Variants in CCDC141 observed in about 807,000 individuals in gnomAD.
CCDC141 encodes coiled-coil domain containing 141.
Under a neutral mutation model 181.0 loss-of-function variants are expected in CCDC141, and 168 were observed. The observed-to-expected ratio is 0.93, with a 90% CI of 0.82 to 1.05. The LOEUF is 1.05. Ranked by LOEUF, CCDC141 falls within the 50% of genes least tolerant of loss-of-function variation. The pLI, the probability that CCDC141 is intolerant of heterozygous loss-of-function variation, is 0.00. For synonymous variants in CCDC141, 666 were observed against 642.3 expected (o/e 1.04, Z -0.56); for missense variants, 1,902 against 1,788.5 (o/e 1.06, Z -1.14).
intron 21 of CCDC141, among the ~76,000 whole-genome samples, chr2:178,849,110 A>G (rs1685060213): frequency 6.6e-6 from 1 of 152,256 alleles, no homozygotes; most frequent in Non-Finnish European, 1.5e-5. Context: ...CTATTTGAAT[A>G]GAAGAGGCAC....
chr2:178,942,391 A>T (rs1018690024), intron 6 of CCDC141, among the ~76,000 whole-genome samples: 1 of 152,220 alleles, frequency 6.6e-6, no homozygotes, highest in Non-Finnish European at 1.5e-5. Flanking sequence ...AGTGAAAAAC[A>T]CCAATCTGAA....
intron 2 of CCDC141, among the ~76,000 whole-genome samples, chr2:178,984,244 A>C (rs931047538): frequency 3.4e-5 from 5 of 148,698 alleles, no homozygotes; most frequent in South Asian, 2.2e-4. Context: ...GAAATAATAT[A>C]CTTTACAGAC....
intron 6 of CCDC141, among the ~76,000 whole-genome samples, chr2:178,933,501 A>G (rs1689174089): frequency 6.6e-6 from 1 of 152,178 alleles, no homozygotes; most frequent in Admixed American, 6.5e-5. Flanking sequence ...TATGGGAGTC[A>G]CACCTTGAAT....
rs542757383 is a variant in CCDC141 at position 178,877,693 on chromosome 2, G to A, written c.1899+271C>T. ...CAGAACTTTTGGGTGGACTTCTGAG[G>A]ACTCTATTTAATAATAACAATGTTG... On this transcript the variant is annotated intron_variant, in intron 12 of 23. Coordinates refer to ENST00000443758, the MANE Select transcript of CCDC141 (RefSeq NM_173648.4). 2.9e-5 allele frequency: 14 copies of A among 486,416 alleles called. No individual in the cohort carries two copies. The South Asian group carries it at 4.5e-4, about 16-fold the overall frequency. The allele number at this position is 486,416 out of a possible 1,614,324, so 30.1% of individuals were successfully genotyped here. A position where few individuals can be genotyped will look rare whatever the true frequency, so the allele number is the denominator to read the frequency against.
At position 179,047,322 on chromosome 2, in the gene CCDC141, GT is replaced by G. The variant is rs1416784611; in HGVS notation, c.186del (p.Lys62AsnfsTer68). The stretch of plus-strand genomic sequence containing the variant: ...AAAAGAAGTTCATGATCATGAAGAA[GT>G]TTTTTGGTTTCATCTTGACTGCTGC... Reference protein sequence around the residue: ...EIGSSQDETKKLLHDHELLLA... With the variant: ...EIGSSQDETKXLLHDHELLLA... On this transcript the variant is annotated frameshift_variant, in exon 2 of 24. Transcript: ENST00000443758. LOFTEE classifies it high-confidence loss of function. 2.6e-6 allele frequency: 4 copies of G among 1,543,662 alleles called. No individual in the cohort carries two copies. The highest frequency in any genetic ancestry group is 3.5e-6 in the Non-Finnish European group (4 of 1,145,254).
At chr2:179,020,287 G>A (rs1054086367) in intron 2 of CCDC141, among the ~76,000 whole-genome samples, 1 of 151,984 alleles carries the variant, frequency 6.6e-6, no homozygotes, top group Admixed American at 6.6e-5. Context: ...CAGTTATGTA[G>A]TCCCCACACT....
At chr2:178,851,487 C>G (rs1685164429) in intron 20 of CCDC141, among the ~76,000 whole-genome samples, 1 of 152,006 alleles carries the variant, frequency 6.6e-6, no homozygotes, top group Non-Finnish European at 1.5e-5. Context: ...TGACTGGTGC[C>G]CTTACAAGAA....
chr2:178,958,670 T>A (rs1201733890), intron 5 of CCDC141, among the ~76,000 whole-genome samples: 1 of 150,890 alleles, frequency 6.6e-6, no homozygotes, highest in Non-Finnish European at 1.5e-5. Context: ...TGGGTTAGAA[T>A]GTTCACTTTG....
At chr2:178,873,218 T>G (rs140782062) in intron 12 of CCDC141, 266 of 152,280 alleles carry the variant, frequency 1.7e-3, no homozygotes, top group African/African-American at 6.3e-3. Context: ...GCCATTTTAT[T>G]TTAAAATTAT....
At chr2:178,961,903 A>C (rs558780728) in intron 4 of CCDC141, among the ~76,000 whole-genome samples, 2 of 152,346 alleles carry the variant, frequency 1.3e-5, no homozygotes, top group African/African-American at 2.4e-5. Context: ...TGTGGTGGCC[A>C]GGTGCCCAGA....
At chr2:178,881,913 TCTCACACACACACACACACA>T (rs1369467864) in intron 11 of CCDC141, among the ~76,000 whole-genome samples, 1 of 110,944 alleles carries the variant, frequency 9.0e-6, no homozygotes, top group Non-Finnish European at 1.8e-5. Context: ...TCTCTCTCTC[TCTCACACACACACACACACA>T]CACACACACA....
At chr2:178,985,736 C>T (rs906408614) in intron 2 of CCDC141, among the ~76,000 whole-genome samples, 6 of 152,080 alleles carry the variant, frequency 3.9e-5, no homozygotes, top group Admixed American at 3.9e-4. Context: ...ATAAATTCCT[C>T]GACACATACA....
intron 22 of CCDC141, among the ~76,000 whole-genome samples, chr2:178,842,456 T>C (rs1166459605): frequency 6.6e-6 from 1 of 152,264 alleles, no homozygotes; most frequent in East Asian, 1.9e-4. Flanking sequence ...CTGTCAGGAC[T>C]TCTGAACTTT....
chr2:179,010,878 G>T (rs1284138268), intron 2 of CCDC141, among the ~76,000 whole-genome samples: 1 of 152,080 alleles, frequency 6.6e-6, no homozygotes, highest in Non-Finnish European at 1.5e-5. Context: ...TACAGAACCG[G>T]CTGGGCATGG....
intron 6 of CCDC141, among the ~76,000 whole-genome samples, chr2:178,940,919 T>C (rs1317046264): frequency 6.6e-6 from 1 of 152,202 alleles, no homozygotes; most frequent in Non-Finnish European, 1.5e-5. Flanking sequence ...GTACATCCTA[T>C]CTCCTTTACA....
In CCDC141 at chr2:178,886,782, A is replaced by T. The variant is rs1171353301; in HGVS notation, c.1497T>A (p.Asn499Lys). The T allele has an allele frequency of 6.8e-7, 1 of 1,465,494 alleles. No homozygotes were observed. The allele number at this position is 1,465,494 out of a possible 1,614,324, so 90.8% of individuals were successfully genotyped here. A position where few individuals can be genotyped will look rare whatever the true frequency, so the allele number is the denominator to read the frequency against. Residue 499 changes from asparagine (N) to lysine (K), a missense_variant, in exon 10 of 24, where the codon AAT becomes AAA. Physicochemically the swap from Asn to Lys is moderately conservative, Grantham distance 94. Coordinates refer to ENST00000443758, the MANE Select transcript of CCDC141 (RefSeq NM_173648.4). ...CTTGGATATCTAGTTCCAGATATTTATTCAAAATCTTCTCTGATTCAGAAC... is the reference window on the plus strand; with the variant it reads ...CTTGGATATCTAGTTCCAGATATTTTTTCAAAATCTTCTCTGATTCAGAAC... Reference protein sequence around the residue: ...STRSESEKILNKYLELDIQAK... With the variant: ...STRSESEKILKKYLELDIQAK...
At chr2:178,823,102 T>G in the CCDC141 span, among the ~76,000 whole-genome samples, 1 of 152,196 alleles carries the variant, frequency 6.6e-6, no homozygotes, top group African/African-American at 2.4e-5. Context: ...TATCCTTCCA[T>G]AAAACAAACC....
chr2:178,983,188 C>T lies in CCDC141; in HGVS notation c.226-4513G>A, dbSNP rs1253310941. ...CCCCGACCAGCCTAACTGGGAGGCACCCTCCAGCAGGGGCACACTGACACC... is the reference window on the plus strand; with the variant it reads ...CCCCGACCAGCCTAACTGGGAGGCATCCTCCAGCAGGGGCACACTGACACC... On this transcript the variant is annotated intron_variant, in intron 2 of 23. Transcript: ENST00000443758. Among the ~76,000 whole-genome samples the T allele has an allele frequency of 2.0e-5, 3 of 152,166 alleles. No homozygotes were observed. In the East Asian group the frequency reaches 5.8e-4, roughly 29 times the overall value.
chr2:178,879,467 T>C (rs1163377302), intron 11 of CCDC141, among the ~76,000 whole-genome samples: 3 of 152,242 alleles, frequency 2.0e-5, no homozygotes, highest in African/African-American at 7.2e-5. Context: ...TATGTTTTGC[T>C]GATGCTTGTT....
Sources: allele counts gnomAD v4.1 joint callset (sites outside exome capture counted in the v4.1 genomes callset), GRCh38; gene constraint gnomAD v4.1.1; transcripts MANE v1.5; gene names NCBI Gene and HGNC (gene_info 2026-07-23, HGNC 2026-07-21).